The following TTLL7 variants were observed in gnomAD, a reference collection of about 807,000 sequenced individuals.
The protein encoded by TTLL7 is tubulin tyrosine ligase like 7, also known as tubulin polyglutamylase TTLL7.
A neutral mutation model predicts 120.2 loss-of-function variants in TTLL7; 53 were observed. The observed-to-expected ratio is 0.44, with a 90% CI of 0.35 to 0.55. The LOEUF is 0.55. TTLL7 is among the 20% of genes least tolerant of loss of function. TTLL7 has a pLI of 0.00. For missense variants in TTLL7, 803 were observed against 1,054.7 expected, an observed-to-expected ratio of 0.76 and a Z score of 3.31; for synonymous variants, 353 against 351.7, an observed-to-expected ratio of 1.00 and a Z score of -0.04.
chr1:83,998,981 C>T lies in TTLL7; in HGVS notation c.-227G>A. The T allele has an allele frequency of 6.8e-6, 3 of 439,634 alleles. No individual in the cohort carries two copies. Among genetic ancestry groups the T allele is most frequent in the Non-Finnish European group, 1.4e-5 (3 of 220,958 alleles). The allele number at this position is 439,634 out of a possible 1,614,324, so 27.2% of individuals were successfully genotyped here. On this transcript the variant is annotated 5_prime_UTR_variant, in exon 1 of 21. Transcript: ENST00000260505. ...TCCTCGCGTCCCCGCTGCAAGCGGT[C>T]CCCCAGGTGCTCCCGCGCCTCGCAG...
At chr1:83,931,609 T>C (rs574484927) in intron 9 of TTLL7, among the ~76,000 whole-genome samples, 1 of 152,276 alleles carries the variant, frequency 6.6e-6, no homozygotes, top group African/African-American at 2.4e-5. Flanking sequence ...AGGGCAAGTA[T>C]TCTGTCTTCT....
At chr1:83,961,225 G>GT (rs933919533) in intron 1 of TTLL7, among the ~76,000 whole-genome samples, 1 of 151,920 alleles carries the variant, frequency 6.6e-6, no homozygotes, top group Non-Finnish European at 1.5e-5. Flanking sequence ...TCTCTGGAAG[G>GT]TTTTTTTGAA....
chr1:83,882,943 T>C lies in TTLL7; in HGVS notation c.2543+20A>G, dbSNP rs1030706968. 6.2e-7 allele frequency: 1 copy of C among 1,606,940 alleles called. No homozygotes were observed. Among genetic ancestry groups the C allele is most frequent in the Non-Finnish European group, 8.5e-7 (1 of 1,177,218 alleles). ...TACTTTACATAAAACTCTCAAGGGT[T>C]AGAGAATGTGAACAAGTACCTGGAA... On this transcript the variant is annotated intron_variant, in intron 20 of 20. Transcript: ENST00000260505.
At position 83,942,121 on chromosome 1, in the gene TTLL7, C is replaced by T. The variant is rs1220535682; in HGVS notation, c.723+342G>A. Among the ~76,000 whole-genome samples, 3 of 152,160 alleles carry T rather than the reference C, an allele frequency of 2.0e-5. No homozygotes were observed. In the South Asian group the frequency reaches 6.2e-4, roughly 32 times the overall value. On this transcript the variant is annotated intron_variant, in intron 7 of 20. Coordinates refer to ENST00000260505, the MANE Select transcript of TTLL7 (RefSeq NM_024686.6). Reference sequence around the variant, plus strand: ...TCAACACAGCTCCAAAACACTTAATCTGTACTTCTCCATTGCATGTTAGTA... The same window carrying T: ...TCAACACAGCTCCAAAACACTTAATTTGTACTTCTCCATTGCATGTTAGTA...
rs1362568742 is a variant in TTLL7, at chr1:83,999,036, C to T, written c.-282G>A. ...CCCGTGGGCGGCCGCCCCGACTCGG[C>T]AGCCTGCACTGGTGGTCCGGTGCTC... is the stretch of plus-strand genomic sequence containing the variant. On this transcript the variant is annotated 5_prime_UTR_variant, in exon 1 of 21. Transcript: ENST00000260505. The T allele has an allele frequency of 2.2e-6, 1 of 447,698 alleles. No homozygotes were observed. The highest frequency in any genetic ancestry group is 1.6e-5 in the South Asian group (1 of 63,054). The allele number at this position is 447,698 out of a possible 1,614,324, so 27.7% of individuals were successfully genotyped here.
At chr1:83,904,570 G>A (rs1441870011) in intron 17 of TTLL7, among the ~76,000 whole-genome samples, 2 of 152,100 alleles carry the variant, frequency 1.3e-5, no homozygotes. Context: ...AGGAGGTGGA[G>A]GTTGCAGTGA....
intron 1 of TTLL7, among the ~76,000 whole-genome samples, chr1:83,955,014 T>C (rs1045680783): frequency 6.6e-6 from 1 of 152,156 alleles, no homozygotes; most frequent in Non-Finnish European, 1.5e-5. Context: ...CACCAATAGA[T>C]ACACGAAATT....
chr1:83,943,512 G>C (rs1347841608), intron 6 of TTLL7, among the ~76,000 whole-genome samples: 2 of 152,176 alleles, frequency 1.3e-5, no homozygotes, highest in Admixed American at 1.3e-4. Flanking sequence ...ACAAAAATTG[G>C]GAGCTTTTTT....
intron 16 of TTLL7, chr1:83,906,666 A>C: frequency 3.2e-6 from 2 of 615,810 alleles, no homozygotes; most frequent in South Asian, 4.1e-5. Context: ...CACTTCCACA[A>C]GGTTATACTT....
chr1:83,957,659 A>G (rs561773245), intron 1 of TTLL7, among the ~76,000 whole-genome samples: 27 of 152,208 alleles, frequency 1.8e-4, no homozygotes, highest in Non-Finnish European at 3.2e-4. Context: ...TAGAAGAAGT[A>G]TGGGAAGGAA....
At chr1:83,877,438 G>A (rs1654021794) in intron 20 of TTLL7, among the ~76,000 whole-genome samples, 1 of 152,042 alleles carries the variant, frequency 6.6e-6, no homozygotes, top group Non-Finnish European at 1.5e-5. Context: ...GGGTGGGTCT[G>A]ATAGAATTGG....
rs1281137659 is a variant in TTLL7, at chr1:83,892,541, A to AATGAACATATAT, written c.2209-2072_2209-2061dup. Among the ~76,000 whole-genome samples, 148 of 75,102 alleles carry AATGAACATATAT rather than the reference A, an allele frequency of 2.0e-3. 15 individuals carry two copies. Among genetic ancestry groups the AATGAACATATAT allele is most frequent in the African/African-American group, 2.9e-3 (69 of 23,718 alleles). 49.3% of individuals were successfully genotyped at this position (75,102 alleles called of 152,430 possible). On this transcript the variant is annotated intron_variant, in intron 18 of 20. Coordinates refer to ENST00000260505, the MANE Select transcript of TTLL7 (RefSeq NM_024686.6). The stretch of plus-strand genomic sequence containing the variant: ...ATATGAACATATATATGAACATATG[A>AATGAACATATAT]ATGAACATATATATGAACATATGAA...
At chr1:83,901,183 G>A (rs985339874) in intron 18 of TTLL7, among the ~76,000 whole-genome samples, 6 of 151,896 alleles carry the variant, frequency 4.0e-5, no homozygotes, top group Non-Finnish European at 7.4e-5. Flanking sequence ...CTCAACTTCT[G>A]CCTTTTAAGA....
At chr1:83,908,717 T>C (rs1459630264) in intron 15 of TTLL7, among the ~76,000 whole-genome samples, 1 of 151,940 alleles carries the variant, frequency 6.6e-6, no homozygotes. Flanking sequence ...CTGTATTCTT[T>C]CTCTGCTTGA....
At chr1:83,919,219 T>C (rs1487688101) in intron 13 of TTLL7, among the ~76,000 whole-genome samples, 1 of 151,632 alleles carries the variant, frequency 6.6e-6, no homozygotes, top group Non-Finnish European at 1.5e-5. Flanking sequence ...TATGCTATAA[T>C]AGAAAACTGC....
At chr1:83,950,393 C>T (rs1284158050) in intron 3 of TTLL7, among the ~76,000 whole-genome samples, 4 of 152,126 alleles carry the variant, frequency 2.6e-5, no homozygotes, top group Non-Finnish European at 5.9e-5. Flanking sequence ...GATCATCACA[C>T]CTATGCCATA....
chr1:83,903,140 T>G (rs1656870970), intron 18 of TTLL7, among the ~76,000 whole-genome samples: 1 of 152,038 alleles, frequency 6.6e-6, no homozygotes, highest in African/African-American at 2.4e-5. Flanking sequence ...TATCTTTCCA[T>G]AGCCTACAAA....
intron 19 of TTLL7, among the ~76,000 whole-genome samples, chr1:83,885,245 A>G (rs1477862755): frequency 6.6e-6 from 1 of 151,898 alleles, no homozygotes; most frequent in East Asian, 1.9e-4. Flanking sequence ...GATTTTGGGT[A>G]TGTCTATAAA....
At chr1:83,871,875 C>T (rs995874776) in intron 20 of TTLL7, among the ~76,000 whole-genome samples, 18 of 124,262 alleles carry the variant, frequency 1.4e-4, no homozygotes, top group South Asian at 4.9e-4. Context: ...TGAGCCTGGG[C>T]GACAGAGCAA....
Sources: gnomAD v4.1 joint callset for allele counts (sites outside exome capture counted in the v4.1 genomes callset) on GRCh38, gnomAD v4.1.1 for gene constraint, MANE v1.5 for transcripts, NCBI Gene and HGNC (gene_info 2026-07-23, HGNC 2026-07-21) for gene names.